The following PDGFC variants were observed in gnomAD, a reference collection of about 807,000 sequenced individuals.
The protein encoded by PDGFC is platelet-derived growth factor C.
In PDGFC, 12 loss-of-function variants were observed where a neutral mutation model predicts 35.5. The ratio of observed to expected loss-of-function variants is 0.34; its 90% confidence interval spans 0.22 to 0.55. The LOEUF is 0.55. Ranked by LOEUF, PDGFC falls within the 20% of genes least tolerant of loss-of-function variation. The pLI is 0.91. For synonymous variants in PDGFC, 159 were observed against 148.8 expected (o/e 1.07, Z -0.50); for missense variants, 322 against 412.4 (o/e 0.78, Z 1.90).
At chr4:156,935,588 A>AT (rs1731659598) in intron 1 of PDGFC, among the ~76,000 whole-genome samples, 1 of 152,196 alleles carries the variant, frequency 6.6e-6, no homozygotes, top group South Asian at 2.1e-4. Flanking sequence ...CCACTGTCAT[A>AT]TATGTGGTCC....
At chr4:156,962,224 C>T (rs181104703) in intron 1 of PDGFC, among the ~76,000 whole-genome samples, 60 of 152,230 alleles carry the variant, frequency 3.9e-4, no homozygotes, top group African/African-American at 1.3e-3. Flanking sequence ...TCAACATTCT[C>T]GATGCTTCTT....
At chr4:156,875,941 TATC>T (rs1730106791) in intron 1 of PDGFC, among the ~76,000 whole-genome samples, 1 of 152,124 alleles carries the variant, frequency 6.6e-6, no homozygotes, top group South Asian at 2.1e-4. Flanking sequence ...AGCTGTTCCA[TATC>T]ATCAATAAAA....
intron 2 of PDGFC, among the ~76,000 whole-genome samples, chr4:156,832,064 A>G (rs556220781): frequency 6.6e-6 from 1 of 152,042 alleles, no homozygotes; most frequent in South Asian, 2.1e-4. Context: ...CTCTCTTAAT[A>G]TGGAAATGCC....
chr4:156,932,214 T>G (rs375080329), intron 1 of PDGFC, among the ~76,000 whole-genome samples: 19 of 152,314 alleles, frequency 1.2e-4, no homozygotes, highest in Middle Eastern at 3.4e-3. Flanking sequence ...TGAGTTTACC[T>G]TTCAGCAATC....
chr4:156,826,186 T>A lies in PDGFC; in HGVS notation c.315-15169A>T, dbSNP rs1382048405. Among the ~76,000 whole-genome samples, 179 of 101,956 alleles carry A rather than the reference T, an allele frequency of 1.8e-3. 3 individuals carry two copies. The highest frequency in any genetic ancestry group is 9.3e-3 in the African/African-American group (164 of 17,614). 66.9% of individuals were successfully genotyped at this position (101,956 alleles called of 152,430 possible). On this transcript the variant is annotated intron_variant, in intron 2 of 5. Coordinates refer to ENST00000502773, the MANE Select transcript of PDGFC (RefSeq NM_016205.3). ...AGCTTTGAGTTGGATTTTTTTTTTT[T>A]TTTTTTTTTTTTTTTTTTTTTTTGA...
chr4:156,818,645 C>G (rs112283061), intron 2 of PDGFC, among the ~76,000 whole-genome samples: 2 of 151,690 alleles, frequency 1.3e-5, no homozygotes, highest in African/African-American at 4.8e-5. Flanking sequence ...CTCAGCCTCC[C>G]GAGTAGCTGG....
At chr4:156,778,603 A>C (rs1195687322) in intron 3 of PDGFC, among the ~76,000 whole-genome samples, 2 of 152,288 alleles carry the variant, frequency 1.3e-5, no homozygotes, top group East Asian at 3.9e-4. Context: ...GAAAAAAGAA[A>C]AGCTGACTTC....
At chr4:156,854,518 T>C (rs1373383211) in intron 1 of PDGFC, among the ~76,000 whole-genome samples, 1 of 152,144 alleles carries the variant, frequency 6.6e-6, no homozygotes, top group African/African-American at 2.4e-5. Flanking sequence ...CCCAAAAAAT[T>C]CACCTTGAAA....
chr4:156,794,372 T>G (rs1038007843), intron 3 of PDGFC, among the ~76,000 whole-genome samples: 2 of 152,116 alleles, frequency 1.3e-5, no homozygotes, highest in Non-Finnish European at 2.9e-5. Context: ...AGTTTGCCTC[T>G]TTCCTAAAGA....
At chr4:156,875,638 C>T (rs1730096399) in intron 1 of PDGFC, among the ~76,000 whole-genome samples, 1 of 152,188 alleles carries the variant, frequency 6.6e-6, no homozygotes, top group Admixed American at 6.5e-5. Context: ...TGATTTAAGG[C>T]CGGGCGCAGT....
chr4:156,911,862 T>C (rs1335416699), intron 1 of PDGFC, among the ~76,000 whole-genome samples: 2 of 152,188 alleles, frequency 1.3e-5, no homozygotes, highest in African/African-American at 2.4e-5. Context: ...GCAAAAGTTA[T>C]ATGTCCTATG....
Position 156,844,085 on chromosome 4 carries a change from G to C in PDGFC, c.314+6136C>G, listed in dbSNP as rs147269203. On this transcript the variant is annotated intron_variant, in intron 2 of 5. Coordinates refer to ENST00000502773, the MANE Select transcript of PDGFC (RefSeq NM_016205.3). ...CCAAACTCCAAATTAACAAAATCTA[G>C]TTTAGCTTTTCTTCCTCCAATTCAC... 3.4e-3 allele frequency among the ~76,000 whole-genome samples: 525 copies of C among 152,230 alleles called. 1 individual carries two copies. The highest frequency in any genetic ancestry group is 6.8e-3 in the Middle Eastern group (2 of 294).
At chr4:156,862,761 C>T (rs1418221291) in intron 1 of PDGFC, among the ~76,000 whole-genome samples, 5 of 149,692 alleles carry the variant, frequency 3.3e-5, no homozygotes, top group Non-Finnish European at 7.4e-5. Context: ...TGAGTGTAGT[C>T]TCTGCTCACT....
chr4:156,792,348 T>G (rs1023934682), intron 3 of PDGFC, among the ~76,000 whole-genome samples: 32 of 152,170 alleles, frequency 2.1e-4, no homozygotes, highest in African/African-American at 7.5e-4. Context: ...ATTAAACAAG[T>G]AGTGTATTGG....
intron 3 of PDGFC, among the ~76,000 whole-genome samples, chr4:156,804,490 C>A (rs997984884): frequency 1.3e-5 from 2 of 151,806 alleles, no homozygotes; most frequent in African/African-American, 4.8e-5. Context: ...TGATTTTTTT[C>A]TTTAATCTAA....
At chr4:156,828,883 G>C (rs932966466) in intron 2 of PDGFC, among the ~76,000 whole-genome samples, 1 of 152,096 alleles carries the variant, frequency 6.6e-6, no homozygotes, top group Non-Finnish European at 1.5e-5. Context: ...GGCAGAATTA[G>C]CTAAAGTGGG....
intron 2 of PDGFC, chr4:156,836,132 A>T (rs973310464): frequency 1.3e-5 from 2 of 152,188 alleles, no homozygotes; most frequent in African/African-American, 4.8e-5. Flanking sequence ...CACAGAGGAC[A>T]AGTTTACCCC....
At chr4:156,827,785 G>A (rs542155081) in intron 2 of PDGFC, among the ~76,000 whole-genome samples, 2 of 151,782 alleles carry the variant, frequency 1.3e-5, no homozygotes, top group African/African-American at 4.9e-5. Flanking sequence ...ATTTTCCAAG[G>A]TCAATACAGC....
At chr4:156,920,402 T>C (rs1350716491) in intron 1 of PDGFC, among the ~76,000 whole-genome samples, 1 of 152,180 alleles carries the variant, frequency 6.6e-6, no homozygotes, top group Non-Finnish European at 1.5e-5. Flanking sequence ...ATGAAAGCCA[T>C]TGACACTACA....
Sources: allele counts gnomAD v4.1 joint callset (sites outside exome capture counted in the v4.1 genomes callset), GRCh38; gene constraint gnomAD v4.1.1; transcripts MANE v1.5; gene names NCBI Gene and HGNC (gene_info 2026-07-23, HGNC 2026-07-21).